LARGE1: variants seen among roughly 807,000 people sequenced by gnomAD.
LARGE1 encodes LARGE xylosyl- and glucuronyltransferase 1.
LARGE1 carries 43 observed loss-of-function variants against 87.6 expected under a neutral mutation model. The ratio of observed to expected loss-of-function variants is 0.49; its 90% CI spans 0.38 to 0.63. LARGE1 has a LOEUF of 0.63. Among genes scored for constraint, LARGE1 ranks in the 30% least tolerant of loss-of-function variants. The probability of loss-of-function intolerance (pLI) is 0.00; values close to 1 mark genes in which losing one functional copy is unlikely to be tolerated. For missense variants in LARGE1, 802 were observed against 1,000.2 expected, an observed-to-expected ratio of 0.80 and a Z score of 2.67; for synonymous variants, 434 against 394.6, an observed-to-expected ratio of 1.10 and a Z score of -1.18.
At chr22:33,201,212 G>A (rs1325742754) in intron 11 of LARGE1, among the ~76,000 whole-genome samples, 1 of 152,126 alleles carries the variant, frequency 6.6e-6, no homozygotes, top group African/African-American at 2.4e-5. Context: ...GGAGGCTGAG[G>A]CAGGAGAATC....
chr22:33,568,551 G>C (rs1297899023), intron 5 of LARGE1, among the ~76,000 whole-genome samples: 1 of 152,186 alleles, frequency 6.6e-6, no homozygotes, highest in African/African-American at 2.4e-5. Flanking sequence ...CGGATCCCCT[G>C]AGGTTGGGAG....
the LARGE1 span, among the ~76,000 whole-genome samples, chr22:33,084,773 T>A: frequency 6.6e-6 from 1 of 152,180 alleles, no homozygotes; most frequent in African/African-American, 2.4e-5. Context: ...CATAATGTAG[T>A]TTATTTAACC....
At chr22:33,897,591 G>A (rs1439235743) in intron 1 of LARGE1, among the ~76,000 whole-genome samples, 1 of 152,192 alleles carries the variant, frequency 6.6e-6, no homozygotes, top group Non-Finnish European at 1.5e-5. Flanking sequence ...TGAAATCAGA[G>A]GGGGAATGCC....
At chr22:33,576,069 A>G (rs1427843674) in intron 5 of LARGE1, among the ~76,000 whole-genome samples, 1 of 152,224 alleles carries the variant, frequency 6.6e-6, no homozygotes, top group Non-Finnish European at 1.5e-5. Flanking sequence ...TTTTCAATGC[A>G]CTGAGGAGAA....
At chr22:33,852,222 C>T (rs1182291629) in intron 1 of LARGE1, among the ~76,000 whole-genome samples, 1 of 152,092 alleles carries the variant, frequency 6.6e-6, no homozygotes, top group African/African-American at 2.4e-5. Flanking sequence ...ATGGAGAAGG[C>T]TGATGTGAGC....
intron 4 of LARGE1, among the ~76,000 whole-genome samples, chr22:33,610,117 G>T (rs1387717855): frequency 6.6e-6 from 1 of 152,108 alleles, no homozygotes; most frequent in African/African-American, 2.4e-5. Flanking sequence ...GGTGTTTATA[G>T]CAAGGCAAGA....
At chr22:33,256,748 A>C (rs1213030002) in intron 11 of LARGE1, among the ~76,000 whole-genome samples, 1 of 152,218 alleles carries the variant, frequency 6.6e-6, no homozygotes, top group Non-Finnish European at 1.5e-5. Flanking sequence ...TGCGGTCTGT[A>C]TCAACTCACA....
intron 3 of LARGE1, among the ~76,000 whole-genome samples, chr22:33,628,093 C>T (rs567643934): frequency 6.6e-6 from 1 of 152,094 alleles, no homozygotes; most frequent in African/African-American, 2.4e-5. Context: ...CTTATACCTG[C>T]TCCCAAGAAG....
intron 6 of LARGE1, among the ~76,000 whole-genome samples, chr22:33,534,464 C>T (rs144784052): frequency 2.7e-4 from 41 of 152,086 alleles, no homozygotes; most frequent in Non-Finnish European, 8.8e-5. Context: ...CTACTGCATC[C>T]ACGAGTGAGG....
chr22:33,635,004 G>A (rs2080228368), intron 3 of LARGE1, among the ~76,000 whole-genome samples: 1 of 151,998 alleles, frequency 6.6e-6, no homozygotes, highest in African/African-American at 2.4e-5. Context: ...TGTAATCCCA[G>A]TTACTCGGGA....
chr22:33,300,300 A>AG (rs1400158390), intron 12 of LARGE1, among the ~76,000 whole-genome samples: 7 of 152,208 alleles, frequency 4.6e-5, no homozygotes, highest in African/African-American at 1.7e-4. Flanking sequence ...GTAATGACAG[A>AG]CTGAGTGCAG....
At chr22:33,722,398 G>A (rs994137015) in intron 2 of LARGE1, among the ~76,000 whole-genome samples, 1 of 151,036 alleles carries the variant, frequency 6.6e-6, no homozygotes, top group African/African-American at 2.4e-5. Context: ...GGAAAGAAGG[G>A]AGGGAATTAC....
At chr22:33,272,018 G>A (rs572944205), downstream of LARGE1, among the ~76,000 whole-genome samples, 42 of 152,290 alleles carry the variant, frequency 2.8e-4, no homozygotes, top group Non-Finnish European at 5.1e-4. Context: ...GAAGTGACCC[G>A]ATTTAGATGA....
chr22:33,471,801 G>A (rs901065952), intron 6 of LARGE1, among the ~76,000 whole-genome samples: 1 of 152,154 alleles, frequency 6.6e-6, no homozygotes, highest in African/African-American at 2.4e-5. Flanking sequence ...TTGGGAGGCC[G>A]AGGCGGGCGC....
intron 7 of LARGE1, among the ~76,000 whole-genome samples, chr22:33,407,379 C>T (rs1412598379): frequency 1.3e-5 from 2 of 152,222 alleles, no homozygotes; most frequent in Non-Finnish European, 2.9e-5. Flanking sequence ...GAAGACTCTG[C>T]TATTATAAAG....
At chr22:33,652,308 C>T (rs989559146) in intron 2 of LARGE1, among the ~76,000 whole-genome samples, 5 of 152,058 alleles carry the variant, frequency 3.3e-5, no homozygotes, top group African/African-American at 9.7e-5. Context: ...TGGGCCTGTA[C>T]ACTCTCCACT....
At chr22:33,822,105 C>T (rs2146264209) in intron 1 of LARGE1, among the ~76,000 whole-genome samples, 1 of 152,198 alleles carries the variant, frequency 6.6e-6, no homozygotes, top group South Asian at 2.1e-4. Flanking sequence ...CCAACCTTGG[C>T]CTGATGCCTG....
At chr22:33,845,905 A>G (rs959870975) in intron 1 of LARGE1, among the ~76,000 whole-genome samples, 37 of 152,312 alleles carry the variant, frequency 2.4e-4, no homozygotes, top group African/African-American at 8.7e-4. Context: ...TTTAAATCTC[A>G]ATTTCATTAC....
intron 2 of LARGE1, among the ~76,000 whole-genome samples, chr22:33,676,837 G>A (rs2081596440): frequency 6.6e-6 from 1 of 152,142 alleles, no homozygotes; most frequent in African/African-American, 2.4e-5. Flanking sequence ...ACAGACACAT[G>A]TAGAGAGCAA....
Sources: gnomAD v4.1 joint callset for allele counts (sites outside exome capture counted in the v4.1 genomes callset) on GRCh38, gnomAD v4.1.1 for gene constraint, MANE v1.5 for transcripts, NCBI Gene and HGNC (gene_info 2026-07-23, HGNC 2026-07-21) for gene names.